Variants in ASPDH observed in about 807,000 individuals in gnomAD.
The protein encoded by ASPDH is aspartate dehydrogenase domain containing.
In ASPDH, 25 loss-of-function variants were observed where a neutral mutation model predicts 30.5. The observed-to-expected ratio is 0.82, with a 90% CI of 0.60 to 1.14. The LOEUF is 1.14. Among genes scored for constraint, ASPDH ranks in the 50% most tolerant of loss-of-function variants. ASPDH has a pLI of 0.00. For synonymous variants in ASPDH, 168 were observed against 156.3 expected (o/e 1.07, Z -0.56); for missense variants, 401 against 381.5 (o/e 1.05, Z -0.43).
At chr19:50,514,074 C>T (rs958134494), upstream of ASPDH, among the ~76,000 whole-genome samples, 2 of 152,140 alleles carry the variant, frequency 1.3e-5, no homozygotes, top group Non-Finnish European at 2.9e-5. Flanking sequence ...GGGAACCCTG[C>T]GTGCCCCCCT....
Position 50,513,313 on chromosome 19 carries a change from G to A in ASPDH, c.156C>T (p.Pro52=). The A allele has an allele frequency of 6.5e-7, 1 of 1,529,638 alleles. No homozygotes were observed. The highest frequency in any genetic ancestry group is 8.8e-7 in the Non-Finnish European group (1 of 1,137,128). 94.8% of individuals were successfully genotyped at this position (1,529,638 alleles called of 1,614,324 possible). A position where few individuals can be genotyped will look rare whatever the true frequency, so the allele number is the denominator to read the frequency against. The change falls in exon 2 of 7, where the codon CCC becomes CCT. Residue 52 remains proline (P), a synonymous_variant. Transcript: ENST00000389208. The surrounding 1 kb of genome is among the most constrained non-coding windows in gnomAD (Gnocchi z 4.9). The part of the protein sequence containing the change: ...RDPGRMAGSV[P]PSLQLQNLAA... The stretch of plus-strand genomic sequence containing the variant: ...CAAGGTTCTGGAGCTGCAGGGAAGG[G>A]GGCACGCTCCCTGCCATTCGTCCTG...
At position 50,512,374 on chromosome 19, in the gene ASPDH, G is replaced by A. The variant is rs2122729995; in HGVS notation, c.639C>T (p.Leu213=). 1.2e-6 allele frequency: 2 copies of A among 1,613,864 alleles called. No homozygotes were observed. Among genetic ancestry groups the A allele is most frequent in the South Asian group, 2.2e-5 (2 of 91,086 alleles). ...GCTCTGCTCACCTGGTATCAGCCAC[G>A]AGCACCCCAATCACCCCATCGAAGC... ...SLGFDGVIGV[L]VADTSLTDMH... The change falls in exon 5 of 7, where the codon CTC becomes CTT. Residue 213 remains leucine (L), a synonymous_variant. Transcript: ENST00000389208.
chr19:50,514,961 C>CT (rs1980172247), upstream of ASPDH: 2 of 985,400 alleles, frequency 2.0e-6, no homozygotes, highest in African/African-American at 3.5e-5. Context: ...CAGGAGCCCC[C>CT]GGTGTGGGAG....
In ASPDH at chr19:50,513,344, C is replaced by A. The variant is rs757971492; in HGVS notation, c.125G>T (p.Arg42Leu). ...GCTCCCTGCCATTCGTCCTGGGTCA[C>A]GATTCCAGACAAAAACAAGTTCTAG... ...LGLELVFVWN[R>L]DPGRMAGSVP... The change falls in exon 2 of 7, where the codon CGT (arginine) becomes CTT (leucine). Residue 42 changes from arginine (R) to leucine (L), a missense_variant. Coordinates refer to ENST00000389208, the MANE Select transcript of ASPDH (RefSeq NM_001114598.2). The surrounding 1 kb of genome is among the most constrained non-coding windows in gnomAD (Gnocchi z 4.9). The A allele has an allele frequency of 1.3e-6, 2 of 1,540,454 alleles. No homozygotes were observed. Among genetic ancestry groups the A allele is most frequent in the African/African-American group, 2.8e-5 (2 of 72,514 alleles).
chr19:50,513,775 G>A lies in ASPDH; in HGVS notation c.49C>T (p.Leu17Phe). ...CCAAGGATGGTCAGGGACTCACCGA[G>A]GCGGCCATAGCCCACCACGCCCACC... ...WRVGVVGYGR[L>F]GQSLVSRLLA... Residue 17 changes from leucine (L) to phenylalanine (F), a missense_variant, in exon 1 of 7, where the codon CTC becomes TTC. Physicochemically the swap from Leu to Phe is conservative, Grantham distance 22. Transcript: ENST00000389208. The surrounding 1 kb of genome is among the most constrained non-coding windows in gnomAD (Gnocchi z 4.9). 1 of 1,549,550 alleles carries A rather than the reference G, an allele frequency of 6.5e-7. No homozygotes were observed. Among genetic ancestry groups the A allele is most frequent in the Non-Finnish European group, 8.7e-7 (1 of 1,145,228 alleles).
In ASPDH at chr19:50,512,176, G is replaced by A. The variant is rs752529228; in HGVS notation, c.768C>T (p.Thr256=). The change falls in exon 6 of 7, where the codon ACC becomes ACT. Residue 256 remains threonine, a synonymous_variant. Coordinates refer to ENST00000389208, the MANE Select transcript of ASPDH (RefSeq NM_001114598.2). The part of the protein sequence containing the change: ...RENPAEPGAV[T]GSATVTAFWQ... ...AGAAGGCCGTGACGGTGGCGGAGCC[G>A]GTGACCGCGCCTGGCTCGGCAGGGT... The A allele has an allele frequency of 1.9e-6, 3 of 1,595,966 alleles. No individual in the cohort carries two copies. The highest frequency in any genetic ancestry group is 2.3e-5 in the East Asian group (1 of 44,254).
In ASPDH at chr19:50,512,050, G is replaced by T. The variant is rs150016184; in HGVS notation, c.808+86C>A. ...AGAAAGGTCAACAAATACAGAACCAGAACTGCAGAACTAGTGAGAGCCCGG... is the reference window on the plus strand; with the variant it reads ...AGAAAGGTCAACAAATACAGAACCATAACTGCAGAACTAGTGAGAGCCCGG... On this transcript the variant is annotated intron_variant, in intron 6 of 6. Transcript: ENST00000389208. 1.1e-4 allele frequency: 130 copies of T among 1,177,002 alleles called. 1 individual carries two copies. The Middle Eastern group carries it at 2.0e-3, about 18-fold the overall frequency. 72.9% of individuals were successfully genotyped at this position (1,177,002 alleles called of 1,614,324 possible).
chr19:50,512,399 C>G lies in ASPDH; in HGVS notation c.614G>C (p.Gly205Ala), dbSNP rs1386798479. Residue 205 changes from glycine (G) to alanine (A), a missense_variant, in exon 5 of 7, where the codon GGC (glycine) becomes GCC (alanine). Coordinates refer to ENST00000389208, the MANE Select transcript of ASPDH (RefSeq NM_001114598.2). ...GAGCACCCCAATCACCCCATCGAAG[C>G]CCAGGCTGGGGGCAGCCAGGGCAGC... ...AAAALAAPSL[G>A]FDGVIGVLVA... The G allele has an allele frequency of 1.2e-6, 2 of 1,613,426 alleles. No homozygotes were observed. Among genetic ancestry groups the G allele is most frequent in the Admixed American group, 1.7e-5 (1 of 59,950 alleles).
chr19:50,514,151 C>G (rs113534071), upstream of ASPDH, among the ~76,000 whole-genome samples: 2 of 152,320 alleles, frequency 1.3e-5, no homozygotes, highest in South Asian at 2.1e-4. Context: ...CCCCTGCCCC[C>G]TCTCTGGCCG....
chr19:50,514,659 C>T (rs1980152886), upstream of ASPDH: 7 of 1,565,518 alleles, frequency 4.5e-6, no homozygotes, highest in Non-Finnish European at 6.0e-6. Context: ...TTGAGGGTGC[C>T]TGGCATCGGA....
chr19:50,513,331 TC>T lies in ASPDH; in HGVS notation c.137del (p.Arg46GlnfsTer34). 6.5e-7 allele frequency: 1 copy of T among 1,539,038 alleles called. No homozygotes were observed. Among genetic ancestry groups the T allele is most frequent in the Non-Finnish European group, 8.8e-7 (1 of 1,141,614 alleles). ...LVFVWNRDPG[R>X]MAGSVPPSLQ... ...GGGAAGGGGGCACGCTCCCTGCCAT[TC>T]GTCCTGGGTCACGATTCCAGACAAA... On this transcript the variant is annotated frameshift_variant, in exon 2 of 7. Coordinates refer to ENST00000389208, the MANE Select transcript of ASPDH (RefSeq NM_001114598.2). LOFTEE classifies it high-confidence loss of function. This position sits in a 1 kb window ranked among gnomAD's most constrained non-coding sequence, Gnocchi z 4.9.
At chr19:50,512,026 G>GAA (rs770365439) in intron 6 of ASPDH, 110 bp downstream of exon 6, 1 of 1,011,934 alleles carries the variant, frequency 9.9e-7, no homozygotes, top group Non-Finnish European at 1.4e-6. Context: ...CAGAAAGAAA[G>GAA]AAAGGTCAAC....
At position 50,513,082 on chromosome 19, in the gene ASPDH, AGTCTACTGAG is replaced by A; in HGVS notation, c.198-81_198-72del. 7.3e-7 allele frequency: 1 copy of A among 1,377,810 alleles called. No individual in the cohort carries two copies. The highest frequency in any genetic ancestry group is 1.3e-5 in the South Asian group (1 of 76,278). 85.3% of individuals were successfully genotyped at this position (1,377,810 alleles called of 1,614,324 possible). On this transcript the variant is annotated intron_variant, in intron 2 of 6. Transcript: ENST00000389208. The surrounding 1 kb of genome is among the most constrained non-coding windows in gnomAD (Gnocchi z 4.9). ...CCTCTTCTCCCCAAGGTTCCCTCCG[AGTCTACTGAG>A]GGCTGCCCTTCTTCTCCCTGACCTG...
Position 50,513,665 on chromosome 19 carries a change from A to G in ASPDH, c.52+107T>C. On this transcript the variant is annotated intron_variant, in intron 1 of 6. Coordinates refer to ENST00000389208, the MANE Select transcript of ASPDH (RefSeq NM_001114598.2). The surrounding 1 kb of genome is among the most constrained non-coding windows in gnomAD (Gnocchi z 4.9). ...GTGCAGTGGGCAGACCCAGAGACAC[A>G]GCCAGGGGCAGATAGAGAGAGAAAA... The G allele has an allele frequency of 1.1e-6, 1 of 911,086 alleles. No individual in the cohort carries two copies. Among genetic ancestry groups the G allele is most frequent in the Non-Finnish European group, 1.7e-6 (1 of 584,708 alleles). The allele number at this position is 911,086 out of a possible 1,614,324, so 56.4% of individuals were successfully genotyped here. A position where few individuals can be genotyped will look rare whatever the true frequency, so the allele number is the denominator to read the frequency against.
upstream of ASPDH, among the ~76,000 whole-genome samples, chr19:50,514,280 G>A (rs1171817349): frequency 6.6e-6 from 1 of 152,168 alleles, no homozygotes; most frequent in Non-Finnish European, 1.5e-5. Context: ...AGGCGGCTAA[G>A]GTCTGAGGGA....
rs781095137 is a variant in ASPDH, at chr19:50,512,579, C to G, written c.434G>C (p.Ser145Thr). The G allele has an allele frequency of 6.5e-7, 1 of 1,527,094 alleles. No homozygotes were observed. The highest frequency in any genetic ancestry group is 1.3e-5 in the South Asian group (1 of 76,198). The allele number at this position is 1,527,094 out of a possible 1,614,324, so 94.6% of individuals were successfully genotyped here. Residue 145 changes from serine to threonine, a missense_variant and splice_region_variant, in exon 5 of 7, where the codon AGC becomes ACC. Transcript: ENST00000389208. ...RRLDAAGGLR[S>T]LRVTMATHPD... ...GTGTGTGGCCATGGTGACACGAAGG[C>G]TCTGGAAGCAAGAGCCCGGGTTAGG...
upstream of ASPDH, chr19:50,514,410 G>C (rs765321322): frequency 6.2e-7 from 1 of 1,604,972 alleles, no homozygotes; most frequent in Non-Finnish European, 8.5e-7. Context: ...TGCGCAGCAC[G>C]GGTCCCCTTC....
rs1288380852 is a variant in ASPDH at position 50,513,367 on chromosome 19, T to A, written c.102A>T (p.Leu34=). 9 of 1,541,256 alleles carry A rather than the reference T, an allele frequency of 5.8e-6. No individual in the cohort carries two copies. The highest frequency in any genetic ancestry group is 7.9e-6 in the Non-Finnish European group (9 of 1,142,270). The change falls in exon 2 of 7, where the codon CTA becomes CTT. Residue 34 remains leucine (L), a synonymous_variant. Transcript: ENST00000389208. This position sits in a 1 kb window ranked among gnomAD's most constrained non-coding sequence, Gnocchi z 4.9. ...CACGATTCCAGACAAAAACAAGTTC[T>A]AGGCCAAGTTCTGGTCCCTGAGCCA... ...RLLAQGPELG[L]ELVFVWNRDP...
chr19:50,514,431 C>T (rs770393160), upstream of ASPDH: 9 of 1,613,042 alleles, frequency 5.6e-6, no homozygotes, highest in South Asian at 1.1e-5. Flanking sequence ...CCACAGCCTC[C>T]GCCCCTGTCC....
Sources: gnomAD v4.1 joint callset for allele counts (sites outside exome capture counted in the v4.1 genomes callset) on GRCh38, gnomAD v4.1.1 for gene constraint, Gnocchi (gnomAD v3.1) non-coding constraint, MANE v1.5 for transcripts, NCBI Gene and HGNC (gene_info 2026-07-23, HGNC 2026-07-21) for gene names.